Variants in BNC2 observed in about 807,000 individuals in gnomAD.
BNC2 encodes the protein basonuclin zinc finger protein 2, also known as zinc finger protein basonuclin-2.
In BNC2, 20 loss-of-function variants were observed where a neutral mutation model predicts 76.3. The observed-to-expected ratio is 0.26, with a 90% confidence interval of 0.18 to 0.38. The LOEUF (loss-of-function observed/expected upper bound fraction) is 0.38. BNC2 is among the 10% of genes least tolerant of loss of function. The pLI is 1.00. For missense variants in BNC2, 1,382 were observed against 1,399.8 expected, an observed-to-expected ratio of 0.99 and a Z score of 0.20; for synonymous variants, 582 against 514.8, an observed-to-expected ratio of 1.13 and a Z score of -1.77.
At chr9:16,464,796 TC>T (rs1371463346) in intron 5 of BNC2, among the ~76,000 whole-genome samples, 1 of 152,200 alleles carries the variant, frequency 6.6e-6, no homozygotes, top group African/African-American at 2.4e-5. Flanking sequence ...AAAATTCATC[TC>T]CTATCCTTTC....
At chr9:16,725,610 T>A (rs909326299) in intron 3 of BNC2, among the ~76,000 whole-genome samples, 17 of 152,328 alleles carry the variant, frequency 1.1e-4, no homozygotes, top group Admixed American at 5.9e-4. Flanking sequence ...ACAGTTTTAA[T>A]AGCATCCATT....
At chr9:16,617,936 C>T (rs756656084) in intron 3 of BNC2, among the ~76,000 whole-genome samples, 7 of 152,212 alleles carry the variant, frequency 4.6e-5, no homozygotes, top group Non-Finnish European at 8.8e-5. Context: ...CAGCCTGGCT[C>T]CACAGTCCAT....
chr9:16,862,009 A>T (rs115358510), intron 1 of BNC2, among the ~76,000 whole-genome samples: 27 of 151,366 alleles, frequency 1.8e-4, no homozygotes, highest in African/African-American at 5.3e-4. Context: ...AAAAAAAAAG[A>T]CACATAACAA....
intron 5 of BNC2, among the ~76,000 whole-genome samples, chr9:16,524,645 T>C (rs151104210): frequency 2.0e-4 from 31 of 152,280 alleles, no homozygotes; most frequent in African/African-American, 7.5e-4. Context: ...TCTGTGTAAA[T>C]AAATGTCATT....
intron 3 of BNC2, among the ~76,000 whole-genome samples, chr9:16,655,707 A>T (rs1182665802): frequency 1.3e-5 from 2 of 152,222 alleles, no homozygotes; most frequent in South Asian, 2.1e-4. Flanking sequence ...ATTTTCCTTG[A>T]ATTCACTTAT....
Position 16,650,085 on chromosome 9 carries a change from C to T in BNC2, c.331-67000G>A, listed in dbSNP as rs548495293. ...CAGAGGAAGGCAAAGACCAAGAAAG[C>T]AAAAATGGAGATAAATGCACAGTTG... On this transcript the variant is annotated intron_variant, in intron 3 of 6. Transcript: ENST00000380672. Among the ~76,000 whole-genome samples, 10 of 152,224 alleles carry T rather than the reference C, an allele frequency of 6.6e-5. No individual in the cohort carries two copies. In the East Asian group the frequency reaches 1.9e-3, roughly 29 times the overall value.
At chr9:16,811,230 C>CAAAAAAAAAAAAAAAAAAAAAAAAAA (rs58068661) in intron 1 of BNC2, among the ~76,000 whole-genome samples, 2 of 97,546 alleles carry the variant, frequency 2.1e-5, no homozygotes, top group Admixed American at 1.0e-4. Context: ...CTCAAAAGAC[C>CAAAAAAAAAAAAAAAAAAAAAAAAAA]AAAAAAAAAA....
intron 1 of BNC2, among the ~76,000 whole-genome samples, chr9:16,783,926 A>G (rs570020035): frequency 2.6e-5 from 4 of 152,218 alleles, no homozygotes; most frequent in Admixed American, 1.3e-4. Flanking sequence ...ATCGATACAT[A>G]TATGAAAATG....
chr9:16,427,175 G>T (rs1199443172), intron 6 of BNC2, among the ~76,000 whole-genome samples: 1 of 152,210 alleles, frequency 6.6e-6, no homozygotes, highest in Non-Finnish European at 1.5e-5. Flanking sequence ...CCTTTTCCAA[G>T]GAGAGAAGAA....
intron 4 of BNC2, among the ~76,000 whole-genome samples, chr9:16,555,671 TGTG>T (rs765907509): frequency 1.3e-5 from 2 of 151,956 alleles, no homozygotes; most frequent in African/African-American, 2.4e-5. Context: ...GGCGCCCACC[TGTG>T]GTCCCAGCTA....
intron 5 of BNC2, among the ~76,000 whole-genome samples, chr9:16,537,605 A>T (rs1422641056): frequency 6.6e-6 from 1 of 152,132 alleles, no homozygotes; most frequent in Non-Finnish European, 1.5e-5. Flanking sequence ...ATATAAAATA[A>T]CACATGTAGG....
chr9:16,861,165 T>C lies in BNC2; in HGVS notation c.3+9481A>G, dbSNP rs997449593. Among the ~76,000 whole-genome samples, 31 of 124,120 alleles carry C rather than the reference T, an allele frequency of 2.5e-4. 1 individual carries two copies. Among genetic ancestry groups the C allele is most frequent in the African/African-American group, 5.4e-4 (18 of 33,352 alleles). 81.4% of individuals were successfully genotyped at this position (124,120 alleles called of 152,430 possible). On this transcript the variant is annotated intron_variant, in intron 1 of 6. Transcript: ENST00000380672. The stretch of plus-strand genomic sequence containing the variant: ...GAAACCAGGCTGGGCAACATGGTAA[T>C]ACCCTATCTCTACAAAATATATATA...
At chr9:16,849,639 G>A (rs182325731) in intron 1 of BNC2, among the ~76,000 whole-genome samples, 57 of 152,226 alleles carry the variant, frequency 3.7e-4, no homozygotes, top group Admixed American at 3.4e-3. Flanking sequence ...GACTATAGGC[G>A]TGAGCCACCG....
chr9:16,531,751 C>G (rs1817981535), intron 5 of BNC2, among the ~76,000 whole-genome samples: 2 of 152,062 alleles, frequency 1.3e-5, no homozygotes, highest in South Asian at 2.1e-4. Flanking sequence ...ATCATGCACA[C>G]CATTAGTTTT....
At position 16,542,154 on chromosome 9, in the gene BNC2, C is replaced by T. The variant is rs570184260; in HGVS notation, c.669+10376G>A. Among the ~76,000 whole-genome samples, 17 of 152,264 alleles carry T rather than the reference C, an allele frequency of 1.1e-4. No homozygotes were observed. The South Asian group carries it at 3.3e-3, about 30-fold the overall frequency. ...TGAGAACAAGGAAATCAGGTTAACA[C>T]ATTTCCTTACAGAGAGAACCTTTGG... On this transcript the variant is annotated intron_variant, in intron 5 of 6. Transcript: ENST00000380672.
intron 5 of BNC2, among the ~76,000 whole-genome samples, chr9:16,470,816 G>A (rs1402762056): frequency 6.6e-6 from 1 of 152,232 alleles, no homozygotes; most frequent in African/African-American, 2.4e-5. Flanking sequence ...CAGGGGCGGG[G>A]CCCTCATGGA....
chr9:16,672,281 A>G (rs921315334), intron 3 of BNC2, among the ~76,000 whole-genome samples: 1 of 152,190 alleles, frequency 6.6e-6, no homozygotes, highest in Non-Finnish European at 1.5e-5. Context: ...GCGGATCACG[A>G]GGTCAGGAGA....
At chr9:16,480,716 T>C (rs1822032284) in intron 5 of BNC2, among the ~76,000 whole-genome samples, 1 of 152,214 alleles carries the variant, frequency 6.6e-6, no homozygotes, top group African/African-American at 2.4e-5. Flanking sequence ...CTGTACTTGA[T>C]TTCTCACCGG....
At chr9:16,589,176 T>C (rs1226242674) in intron 3 of BNC2, among the ~76,000 whole-genome samples, 2 of 149,618 alleles carry the variant, frequency 1.3e-5, no homozygotes, top group East Asian at 2.0e-4. Flanking sequence ...CATACATAAC[T>C]AAAAAAAAAA....
Sources: gnomAD v4.1 joint callset for allele counts (sites outside exome capture counted in the v4.1 genomes callset) on GRCh38, gnomAD v4.1.1 for gene constraint, MANE v1.5 for transcripts, NCBI Gene and HGNC (gene_info 2026-07-23, HGNC 2026-07-21) for gene names.